NSG2: variants seen among roughly 807,000 people sequenced by gnomAD.
NSG2 encodes the protein neuronal vesicle trafficking-associated protein 2.
NSG2 carries 4 observed loss-of-function variants against 16.9 expected under a neutral mutation model. That is an observed-to-expected ratio of 0.24 (90% CI 0.12 to 0.54). The LOEUF (loss-of-function observed/expected upper bound fraction) is 0.54, where lower values mean the gene tolerates loss of function less well. NSG2 is among the 20% of genes least tolerant of loss of function. The pLI is 0.95. For missense variants in NSG2, 179 were observed against 221.1 expected, an observed-to-expected ratio of 0.81 and a Z score of 1.21; for synonymous variants, 98 against 88.7, an observed-to-expected ratio of 1.11 and a Z score of -0.59.
At chr5:174,092,894 A>T (rs1419986862) in intron 3 of NSG2, among the ~76,000 whole-genome samples, 1 of 152,198 alleles carries the variant, frequency 6.6e-6, no homozygotes, top group African/African-American at 2.4e-5. Context: ...TTAAGCTGGG[A>T]TCCATGTAGA....
Position 174,072,529 on chromosome 5 carries a change from T to C in NSG2, c.213+8214T>C, listed in dbSNP as rs973053627. On this transcript the variant is annotated intron_variant, in intron 3 of 4. Transcript: ENST00000303177. The surrounding 1 kb of genome is among the most constrained non-coding windows in gnomAD (Gnocchi z 4.0). Reference sequence around the variant, plus strand: ...CCTTTCTCCTTTGGGTTCCTGCATGTCCTATAGGACCCTCCATTCTAGTAC... The same window carrying C: ...CCTTTCTCCTTTGGGTTCCTGCATGCCCTATAGGACCCTCCATTCTAGTAC... 6.6e-6 allele frequency among the ~76,000 whole-genome samples: 1 copy of C among 152,254 alleles called. No homozygotes were observed. Among genetic ancestry groups the C allele is most frequent in the Admixed American group, 6.5e-5 (1 of 15,290 alleles).
intron 2 of NSG2, among the ~76,000 whole-genome samples, chr5:174,053,375 A>T (rs570340904): frequency 6.6e-6 from 1 of 151,676 alleles, no homozygotes; most frequent in Non-Finnish European, 1.5e-5. Context: ...CATGCTGAGA[A>T]GGATGGGGTT....
At chr5:174,099,061 C>T (rs879579870) in intron 3 of NSG2, among the ~76,000 whole-genome samples, 7 of 152,164 alleles carry the variant, frequency 4.6e-5, no homozygotes, top group Non-Finnish European at 8.8e-5. Flanking sequence ...CCCCGACCCT[C>T]TTAGGCTCAC....
At chr5:174,105,252 A>G (rs567646102) in intron 4 of NSG2, among the ~76,000 whole-genome samples, 1 of 152,288 alleles carries the variant, frequency 6.6e-6, no homozygotes, top group East Asian at 1.9e-4. Context: ...TCAAATAGGA[A>G]GTGTGCCAGC....
chr5:174,101,224 C>T (rs578161115), intron 3 of NSG2, among the ~76,000 whole-genome samples: 7 of 152,368 alleles, frequency 4.6e-5, no homozygotes, highest in Non-Finnish European at 7.3e-5. Context: ...AGGAAATTGG[C>T]TCCCTGTCCC....
chr5:174,070,529 C>T (rs1760220624), intron 3 of NSG2, among the ~76,000 whole-genome samples: 1 of 152,146 alleles, frequency 6.6e-6, no homozygotes, highest in African/African-American at 2.4e-5. Context: ...CCTCCCTTTT[C>T]TTCTTTGTCG....
chr5:174,058,458 C>A (rs1421068587), intron 2 of NSG2, among the ~76,000 whole-genome samples: 2 of 152,034 alleles, frequency 1.3e-5, no homozygotes, highest in Non-Finnish European at 2.9e-5. Flanking sequence ...AACAAAAAAA[C>A]CAATGAACTT....
chr5:174,067,561 C>G (rs1379091099), intron 3 of NSG2, among the ~76,000 whole-genome samples: 3 of 152,198 alleles, frequency 2.0e-5, no homozygotes, highest in African/African-American at 7.2e-5. Context: ...AGAGGGGGAC[C>G]TGCACTTGAA....
At chr5:174,104,381 T>A in intron 4 of NSG2, 43 bp downstream of exon 4, 1 of 1,371,188 alleles carries the variant, frequency 7.3e-7, no homozygotes, top group Non-Finnish European at 1.0e-6. Flanking sequence ...TCAAATTCAG[T>A]TAGAGGGTTG....
At chr5:174,097,916 G>C (rs918566695) in intron 3 of NSG2, among the ~76,000 whole-genome samples, 1 of 151,872 alleles carries the variant, frequency 6.6e-6, no homozygotes, top group Non-Finnish European at 1.5e-5. Flanking sequence ...CAACACTGCA[G>C]GTCAGGAAAT....
rs1490793081 is a variant in NSG2, at chr5:174,108,896, C to T, written c.*1391C>T. ...TGGCTTGCTGTGTTGCTGAGATCAT[C>T]GTATGCAACAGCTGGGTAATAAGAC... is the stretch of plus-strand genomic sequence containing the variant. On this transcript the variant is annotated 3_prime_UTR_variant, in exon 5 of 5. Coordinates refer to ENST00000303177, the MANE Select transcript of NSG2 (RefSeq NM_015980.5). 1.3e-5 allele frequency: 2 copies of T among 152,734 alleles called. No homozygotes were observed. Among genetic ancestry groups the T allele is most frequent in the Admixed American group, 1.3e-4 (2 of 15,274 alleles). The allele number at this position is 152,734 out of a possible 1,614,324, so 9.5% of individuals were successfully genotyped here.
intron 2 of NSG2, among the ~76,000 whole-genome samples, chr5:174,058,926 C>T (rs1760006807): frequency 6.6e-6 from 1 of 152,206 alleles, no homozygotes; most frequent in Non-Finnish European, 1.5e-5. Flanking sequence ...CTGCCTGTCT[C>T]TTGGCCTGTA....
At chr5:174,078,723 A>G (rs1760390457) in intron 3 of NSG2, among the ~76,000 whole-genome samples, 1 of 152,208 alleles carries the variant, frequency 6.6e-6, no homozygotes, top group Admixed American at 6.5e-5. Flanking sequence ...TCTTTATAAC[A>G]GAGGCCCCAA....
At chr5:174,090,378 T>C (rs926729763) in intron 3 of NSG2, among the ~76,000 whole-genome samples, 2 of 152,134 alleles carry the variant, frequency 1.3e-5, no homozygotes, top group African/African-American at 4.8e-5. Context: ...CAGGGAAGCT[T>C]GTTAGAGACT....
intron 3 of NSG2, among the ~76,000 whole-genome samples, chr5:174,074,633 T>A (rs1231050867): frequency 6.6e-6 from 1 of 152,080 alleles, no homozygotes; most frequent in African/African-American, 2.4e-5. Flanking sequence ...TGTGATGTCC[T>A]TAGTACGGCA....
At chr5:174,097,913 G>A (rs1760832626) in intron 3 of NSG2, among the ~76,000 whole-genome samples, 1 of 151,896 alleles carries the variant, frequency 6.6e-6, no homozygotes, top group Non-Finnish European at 1.5e-5. Flanking sequence ...ACTCAACACT[G>A]CAGGTCAGGA....
At position 174,072,473 on chromosome 5, in the gene NSG2, A is replaced by G. The variant is rs970643865; in HGVS notation, c.213+8158A>G. Among the ~76,000 whole-genome samples, 1 of 152,252 alleles carries G rather than the reference A, an allele frequency of 6.6e-6. No homozygotes were observed. Among genetic ancestry groups the G allele is most frequent in the African/African-American group, 2.4e-5 (1 of 41,470 alleles). On this transcript the variant is annotated intron_variant, in intron 3 of 4. Transcript: ENST00000303177. This position sits in a 1 kb window ranked among gnomAD's most constrained non-coding sequence, Gnocchi z 4.0. ...AAATGCACATGGCCTGGGCCTGTGC[A>G]GTGTTGCTTGCACTGACATGCAAAG...
chr5:174,075,252 C>T (rs1760318393), intron 3 of NSG2, among the ~76,000 whole-genome samples: 1 of 151,986 alleles, frequency 6.6e-6, no homozygotes, highest in African/African-American at 2.4e-5. Flanking sequence ...TTAATTAAGC[C>T]ACTCGGGGTC....
chr5:174,074,175 CT>C (rs1760294742), intron 3 of NSG2, among the ~76,000 whole-genome samples: 1 of 152,220 alleles, frequency 6.6e-6, no homozygotes, highest in Non-Finnish European at 1.5e-5. Flanking sequence ...GGTTTGTGAA[CT>C]GGAACATGTC....
Sources: gnomAD v4.1 joint callset for allele counts (sites outside exome capture counted in the v4.1 genomes callset) on GRCh38, gnomAD v4.1.1 for gene constraint, Gnocchi (gnomAD v3.1) non-coding constraint, MANE v1.5 for transcripts, NCBI Gene and HGNC (gene_info 2026-07-23, HGNC 2026-07-21) for gene names.